The following WNT7B variants were observed in gnomAD, a reference collection of about 807,000 sequenced individuals.
WNT7B encodes the protein Wnt family member 7B.
Under a neutral mutation model 38.2 loss-of-function variants are expected in WNT7B, and 19 were observed. The ratio of observed to expected loss-of-function variants is 0.50; its 90% CI spans 0.35 to 0.73. The LOEUF is 0.73. Among genes scored for constraint, WNT7B ranks in the 30% least tolerant of loss-of-function variants. WNT7B has a pLI of 0.01. For synonymous variants in WNT7B, 243 were observed against 209.3 expected (o/e 1.16, Z -1.39); for missense variants, 423 against 507.9 (o/e 0.83, Z 1.61).
chr22:45,961,903 A>T (rs942798876), intron 1 of WNT7B, among the ~76,000 whole-genome samples: 10 of 151,992 alleles, frequency 6.6e-5, no homozygotes, highest in Non-Finnish European at 1.3e-4. Flanking sequence ...CAATAGGGAG[A>T]ACTGGCCTGC....
intron 2 of WNT7B, chr22:45,935,898 G>T: frequency 2.0e-6 from 2 of 985,342 alleles, no homozygotes; most frequent in Non-Finnish European, 2.4e-6. Context: ...GGGCAGCACG[G>T]ATGCTCTGTT....
intron 3 of WNT7B, chr22:45,925,706 C>T (rs954700318): frequency 3.2e-5 from 32 of 985,436 alleles, no homozygotes; most frequent in African/African-American, 2.1e-4. Context: ...CCTGGCCACA[C>T]GGCCTGCTCG....
At chr22:45,925,365 G>GGAGAGACTT in intron 3 of WNT7B, 4 of 985,380 alleles carry the variant, frequency 4.1e-6, no homozygotes, top group Non-Finnish European at 4.8e-6. Flanking sequence ...TGGGGAGACT[G>GGAGAGACTT]GAGAGACTTG....
At chr22:45,962,873 C>T (rs1264777215) in intron 1 of WNT7B, among the ~76,000 whole-genome samples, 1 of 152,254 alleles carries the variant, frequency 6.6e-6, no homozygotes, top group Non-Finnish European at 1.5e-5. Context: ...GGTGGACAGA[C>T]AGGTGGAACA....
chr22:45,940,283 G>A (rs1024071180), intron 2 of WNT7B, among the ~76,000 whole-genome samples: 1 of 152,076 alleles, frequency 6.6e-6, no homozygotes, highest in Non-Finnish European at 1.5e-5. Context: ...AGGAGAGGCA[G>A]GCGACTGGCC....
intron 3 of WNT7B, among the ~76,000 whole-genome samples, chr22:45,929,701 T>TCACCC (rs1931249976): frequency 1.5e-5 from 1 of 65,898 alleles, no homozygotes; most frequent in Non-Finnish European, 3.0e-5. Context: ...TCCACCCATC[T>TCACCC]TTCCATCCAC....
intron 1 of WNT7B, among the ~76,000 whole-genome samples, chr22:45,968,581 G>A (rs554906116): frequency 2.6e-4 from 39 of 152,328 alleles, no homozygotes; most frequent in African/African-American, 8.9e-4. Flanking sequence ...GTGCACAACC[G>A]TGGAGTCCAG....
chr22:45,926,945 C>T, intron 3 of WNT7B: 1 of 985,464 alleles, frequency 1.0e-6, no homozygotes, highest in Non-Finnish European at 1.2e-6. Context: ...AAGGGCTGTG[C>T]CAAGACGTGG....
chr22:45,960,146 C>A (rs1932162987), intron 1 of WNT7B, among the ~76,000 whole-genome samples: 1 of 152,208 alleles, frequency 6.6e-6, no homozygotes, highest in African/African-American at 2.4e-5. Context: ...CACCTCCCAG[C>A]CCCAGCCCAG....
At chr22:45,944,817 C>T (rs1931755487) in intron 2 of WNT7B, among the ~76,000 whole-genome samples, 1 of 152,222 alleles carries the variant, frequency 6.6e-6, no homozygotes, top group South Asian at 2.1e-4. Flanking sequence ...GCCCTCCCAC[C>T]CCCGCGCTGA....
At chr22:45,938,016 A>G (rs1017070838) in intron 2 of WNT7B, among the ~76,000 whole-genome samples, 6 of 152,222 alleles carry the variant, frequency 3.9e-5, no homozygotes, top group African/African-American at 1.4e-4. Context: ...CTAAAAAAAA[A>G]AATGACATTT....
Position 45,927,410 on chromosome 22 carries a change from G to A in WNT7B, c.570+3688C>T, listed in dbSNP as rs530229023. ...GCCCATCTCACTCTTGCCCATCAGG[G>A]ACACCAGCCTGGGCCACATGCCAGC... On this transcript the variant is annotated intron_variant, in intron 3 of 3. Coordinates refer to ENST00000339464, the MANE Select transcript of WNT7B (RefSeq NM_058238.3). 192 of 1,535,366 alleles carry A rather than the reference G, an allele frequency of 1.3e-4. 1 individual carries two copies. The East Asian group carries it at 4.7e-3, about 38-fold the overall frequency.
intron 3 of WNT7B, chr22:45,926,148 C>A (rs1422451624): frequency 2.0e-6 from 2 of 985,324 alleles, no homozygotes; most frequent in Non-Finnish European, 1.2e-6. Context: ...TTGGCTGGAT[C>A]CCTTGGGTCA....
intron 3 of WNT7B, chr22:45,926,038 C>T (rs907513514): frequency 3.0e-6 from 3 of 985,330 alleles, no homozygotes; most frequent in Admixed American, 1.2e-4. Context: ...ATGCTACTGC[C>T]CGCCTGGGGA....
At chr22:45,932,416 A>AC (rs35323637) in intron 2 of WNT7B, among the ~76,000 whole-genome samples, 2,069 of 142,672 alleles carry the variant, frequency 0.015, 34 homozygotes, top group Admixed American at 0.035. Context: ...GCCTTCCCAG[A>AC]CCCCCCCCGC....
chr22:45,971,609 G>T (rs1050766405), intron 1 of WNT7B, among the ~76,000 whole-genome samples: 1 of 152,236 alleles, frequency 6.6e-6, no homozygotes, highest in African/African-American at 2.4e-5. Context: ...GCAGGGATCA[G>T]GCTACCCAGC....
At chr22:45,933,704 A>G (rs1184546221) in intron 2 of WNT7B, among the ~76,000 whole-genome samples, 1 of 152,198 alleles carries the variant, frequency 6.6e-6, no homozygotes, top group East Asian at 1.9e-4. Flanking sequence ...AGGAGGTTAC[A>G]TCTTAAGTGG....
chr22:45,936,053 C>G, intron 2 of WNT7B: 2 of 985,384 alleles, frequency 2.0e-6, no homozygotes, highest in Admixed American at 6.1e-5. Flanking sequence ...CTAGAAAATG[C>G]CAGAGCAGAC....
Position 45,975,526 on chromosome 22 carries a change from T to A in WNT7B, c.71+1158A>T. The A allele has an allele frequency of 1.4e-6, 1 of 716,428 alleles. No homozygotes were observed. The highest frequency in any genetic ancestry group is 1.5e-5 in the South Asian group (1 of 67,448). 44.4% of individuals were successfully genotyped at this position (716,428 alleles called of 1,614,324 possible). ...CCACTGGCTTTGTCTCTGCAGGCCT[T>A]GGGCCTCAGTTTCTCCACCTGTAAA... On this transcript the variant is annotated intron_variant, in intron 1 of 3. Transcript: ENST00000339464. This position sits in a 1 kb window ranked among gnomAD's most constrained non-coding sequence, Gnocchi z 6.6.
Sources: allele counts gnomAD v4.1 joint callset (sites outside exome capture counted in the v4.1 genomes callset), GRCh38; gene constraint gnomAD v4.1.1; non-coding constraint Gnocchi (gnomAD v3.1); transcripts MANE v1.5; gene names NCBI Gene and HGNC (gene_info 2026-07-23, HGNC 2026-07-21).